HPSE2: variants seen among roughly 807,000 people sequenced by gnomAD.
HPSE2 encodes heparanase 2 (inactive).
A neutral mutation model predicts 60.5 loss-of-function variants in HPSE2; 38 were observed. That is an observed-to-expected ratio of 0.63 (90% confidence interval 0.48 to 0.82). The LOEUF is 0.82. Among genes scored for constraint, HPSE2 ranks in the 40% least tolerant of loss-of-function variants. The probability of loss-of-function intolerance (pLI) is 0.00; values close to 1 mark genes in which losing one functional copy is unlikely to be tolerated. For synonymous variants in HPSE2, 295 were observed against 293.2 expected, an observed-to-expected ratio of 1.01 and a Z score of -0.06; for missense variants, 713 against 740.4, an observed-to-expected ratio of 0.96 and a Z score of 0.43.
At chr10:98,888,778 T>C (rs920954964) in intron 3 of HPSE2, among the ~76,000 whole-genome samples, 1 of 152,196 alleles carries the variant, frequency 6.6e-6, no homozygotes, top group African/African-American at 2.4e-5. Context: ...ACTTTGAACA[T>C]GCCATTTCTT....
At chr10:99,016,266 C>G (rs1307109206) in intron 3 of HPSE2, among the ~76,000 whole-genome samples, 1 of 152,080 alleles carries the variant, frequency 6.6e-6, no homozygotes, top group Non-Finnish European at 1.5e-5. Context: ...GTCATTTATC[C>G]CAGCACCATT....
chr10:98,575,258 C>A (rs1231709155), intron 9 of HPSE2, among the ~76,000 whole-genome samples: 4 of 152,166 alleles, frequency 2.6e-5, no homozygotes, highest in African/African-American at 9.7e-5. Flanking sequence ...GAAAGAATAT[C>A]TGCTATCTAC....
chr10:98,993,348 T>C (rs1956570502), intron 3 of HPSE2, among the ~76,000 whole-genome samples: 4 of 152,198 alleles, frequency 2.6e-5, no homozygotes, highest in Admixed American at 1.3e-4. Context: ...ATATACAACG[T>C]TCTAAAGTAT....
At chr10:98,797,071 T>TG (rs1950794301) in intron 3 of HPSE2, among the ~76,000 whole-genome samples, 1 of 152,264 alleles carries the variant, frequency 6.6e-6, no homozygotes, top group East Asian at 1.9e-4. Flanking sequence ...AATTATTTAA[T>TG]GCCCAGACAC....
intron 6 of HPSE2, among the ~76,000 whole-genome samples, chr10:98,693,394 C>T (rs779281376): frequency 2.6e-5 from 4 of 151,966 alleles, no homozygotes; most frequent in Non-Finnish European, 5.9e-5. Flanking sequence ...GAGTTTATTC[C>T]CTTTCTTGAA....
chr10:99,085,049 C>T (rs768587763), intron 3 of HPSE2, among the ~76,000 whole-genome samples: 2 of 152,214 alleles, frequency 1.3e-5, no homozygotes, highest in Non-Finnish European at 2.9e-5. Flanking sequence ...TCACCCTTCA[C>T]GTGGCCTGTA....
chr10:99,161,196 C>T (rs1016781214), intron 2 of HPSE2, among the ~76,000 whole-genome samples: 4 of 149,174 alleles, frequency 2.7e-5, no homozygotes, highest in African/African-American at 7.5e-5. Flanking sequence ...ACTCCCGCCT[C>T]GGTAACAGAG....
chr10:99,105,475 GT>G (rs1005355856), intron 3 of HPSE2, among the ~76,000 whole-genome samples: 6 of 142,350 alleles, frequency 4.2e-5, no homozygotes, highest in South Asian at 4.6e-4. Context: ...TTTTAATTGG[GT>G]TTTTTTTTAT....
chr10:98,496,050 GGTGTGT>G (rs146851708), intron 9 of HPSE2, among the ~76,000 whole-genome samples: 1 of 150,740 alleles, frequency 6.6e-6, no homozygotes, highest in Admixed American at 6.6e-5. Flanking sequence ...AGTTGTTTTT[GGTGTGT>G]GTGTGTGTGT....
chr10:99,149,619 G>A (rs1025909902), intron 2 of HPSE2, among the ~76,000 whole-genome samples: 7 of 152,144 alleles, frequency 4.6e-5, no homozygotes, highest in Non-Finnish European at 1.0e-4. Context: ...AGTGCCAGAT[G>A]TTTCAGTGGT....
rs1450165241 is a variant in HPSE2, at chr10:98,940,530, A to C, written c.611-196474T>G. 1.3e-4 allele frequency among the ~76,000 whole-genome samples: 18 copies of C among 141,770 alleles called. 2 individuals are homozygous for C. Among genetic ancestry groups the C allele is most frequent in the African/African-American group, 3.2e-4 (11 of 34,648 alleles). The allele number at this position is 141,770 out of a possible 152,430, so 93.0% of individuals were successfully genotyped here. On this transcript the variant is annotated intron_variant, in intron 3 of 11. Transcript: ENST00000370552. ...CACATACACCCTCCCAAGACTAAAC[A>C]AGGAAGAAGTTGAATCTCTGAATAG...
At chr10:98,678,241 A>C (rs1464222054) in intron 6 of HPSE2, among the ~76,000 whole-genome samples, 1 of 152,048 alleles carries the variant, frequency 6.6e-6, no homozygotes, top group Non-Finnish European at 1.5e-5. Context: ...CCCCAGGACA[A>C]TTTTTCTTAC....
At chr10:98,841,184 G>A (rs1183983984) in intron 3 of HPSE2, among the ~76,000 whole-genome samples, 7 of 151,530 alleles carry the variant, frequency 4.6e-5, no homozygotes, top group Non-Finnish European at 1.0e-4. Flanking sequence ...CTTGAACCCT[G>A]GAGGCGGAGG....
intron 3 of HPSE2, among the ~76,000 whole-genome samples, chr10:99,041,043 C>T (rs925228513): frequency 6.6e-6 from 1 of 151,226 alleles, no homozygotes; most frequent in African/African-American, 2.4e-5. Flanking sequence ...GTAGAGATCG[C>T]GCCACTTCAC....
At chr10:98,478,360 G>A (rs1273345622) in intron 11 of HPSE2, among the ~76,000 whole-genome samples, 2 of 152,096 alleles carry the variant, frequency 1.3e-5, no homozygotes, top group Non-Finnish European at 2.9e-5. Context: ...CTTTGCTGAT[G>A]ACCACTGAGA....
intron 2 of HPSE2, among the ~76,000 whole-genome samples, chr10:99,215,663 G>T (rs1290740083): frequency 1.3e-5 from 2 of 152,184 alleles, no homozygotes; most frequent in Non-Finnish European, 2.9e-5. Flanking sequence ...ACCACATGTT[G>T]TATGATTCCC....
intron 9 of HPSE2, among the ~76,000 whole-genome samples, chr10:98,597,790 G>A (rs1564999654): frequency 1.3e-5 from 2 of 151,716 alleles, no homozygotes; most frequent in Non-Finnish European, 1.5e-5. Context: ...GGCCAATATG[G>A]TGAGACCCCG....
rs1469976415 is a variant in HPSE2 at position 99,166,666 on chromosome 10, A to G, written c.449-22267T>C. ...TTTCCATTCATTTATCTTCTTTGGT[A>G]AACTGTTCATATCTCTTGCCCACTT... On this transcript the variant is annotated intron_variant, in intron 2 of 11. Transcript: ENST00000370552. Among the ~76,000 whole-genome samples the G allele has an allele frequency of 2.0e-5, 3 of 152,196 alleles. No individual in the cohort carries two copies. The East Asian group carries it at 5.8e-4, about 29-fold the overall frequency.
intron 9 of HPSE2, among the ~76,000 whole-genome samples, chr10:98,570,763 T>G (rs1490238001): frequency 6.6e-6 from 1 of 152,144 alleles, no homozygotes; most frequent in African/African-American, 2.4e-5. Context: ...ACAACCAACC[T>G]GGATAGGTCA....
Sources: gnomAD v4.1 joint callset for allele counts (sites outside exome capture counted in the v4.1 genomes callset) on GRCh38, gnomAD v4.1.1 for gene constraint, MANE v1.5 for transcripts, NCBI Gene and HGNC (gene_info 2026-07-23, HGNC 2026-07-21) for gene names.